The following GRIK4 variants were observed in gnomAD, a reference collection of about 807,000 sequenced individuals.
GRIK4 encodes glutamate receptor ionotropic, kainate 4.
In GRIK4, 40 loss-of-function variants were observed where a neutral mutation model predicts 104.9. That is an observed-to-expected ratio of 0.38 (90% CI 0.30 to 0.50). The LOEUF (loss-of-function observed/expected upper bound fraction) is 0.50, where lower values mean the gene tolerates loss of function less well. Among genes scored for constraint, GRIK4 ranks in the 20% least tolerant of loss-of-function variants. GRIK4 has a pLI of 0.93. For missense variants in GRIK4, 1,047 were observed against 1,308.1 expected, an observed-to-expected ratio of 0.80 and a Z score of 3.08; for synonymous variants, 485 against 524.9, an observed-to-expected ratio of 0.92 and a Z score of 1.04.
In GRIK4 at chr11:120,609,842, C is replaced by A. The variant is rs140849626; in HGVS notation, c.-158-43843C>A. Among the ~76,000 whole-genome samples the A allele has an allele frequency of 6.4e-4, 98 of 152,208 alleles. 1 individual carries two copies. In the East Asian group the frequency reaches 0.019, roughly 29 times the overall value. On this transcript the variant is annotated intron_variant, in intron 1 of 20. Coordinates refer to ENST00000527524, the MANE Select transcript of GRIK4 (RefSeq NM_014619.5). ...CATCTTAATGGACCTGCCTTCTACC[C>A]CTTTCTCCTTCTACTGCTTTTTCTT...
chr11:120,940,583 G>A lies in GRIK4; in HGVS notation c.1590+123G>A. 1.5e-6 allele frequency: 1 copy of A among 647,900 alleles called. No homozygotes were observed. Among genetic ancestry groups the A allele is most frequent in the Non-Finnish European group, 2.6e-6 (1 of 377,970 alleles). 40.1% of individuals were successfully genotyped at this position (647,900 alleles called of 1,614,324 possible). Reference sequence around the variant, plus strand: ...GATTTCAAGACTTAAATGCAAATGTGCTGGGCTATTTTTTCTCCTATCATC... The same window carrying A: ...GATTTCAAGACTTAAATGCAAATGTACTGGGCTATTTTTTCTCCTATCATC... On this transcript the variant is annotated intron_variant, in intron 14 of 20. Transcript: ENST00000527524. The surrounding 1 kb of genome is among the most constrained non-coding windows in gnomAD (Gnocchi z 4.3).
intron 3 of GRIK4, among the ~76,000 whole-genome samples, chr11:120,799,603 A>C (rs1952586234): frequency 6.6e-6 from 1 of 152,252 alleles, no homozygotes; most frequent in African/African-American, 2.4e-5. Flanking sequence ...GAACGGGCAG[A>C]TCATGACCTC....
chr11:120,967,899 C>T lies in GRIK4; in HGVS notation c.2395+576C>T, dbSNP rs1029776416. 1.3e-5 allele frequency among the ~76,000 whole-genome samples: 2 copies of T among 152,100 alleles called. No homozygotes were observed. The highest frequency in any genetic ancestry group is 4.8e-5 in the African/African-American group (2 of 41,410). On this transcript the variant is annotated intron_variant, in intron 19 of 20. Coordinates refer to ENST00000527524, the MANE Select transcript of GRIK4 (RefSeq NM_014619.5). The surrounding 1 kb of genome is among the most constrained non-coding windows in gnomAD (Gnocchi z 4.2). Reference sequence around the variant, plus strand: ...TGTGCACCTGTTCCCTCCTCCTGGCCTTCCCTCGAAGAGCTCTTCACTCCC... The same window carrying T: ...TGTGCACCTGTTCCCTCCTCCTGGCTTTCCCTCGAAGAGCTCTTCACTCCC...
chr11:120,985,500 CAT>C (rs1944726509), intron 20 of GRIK4, among the ~76,000 whole-genome samples: 1 of 151,926 alleles, frequency 6.6e-6, no homozygotes, highest in African/African-American at 2.4e-5. Context: ...GAGAGACTGA[CAT>C]GTGGTGGAGG....
intron 3 of GRIK4, among the ~76,000 whole-genome samples, chr11:120,777,638 A>G (rs541021392): frequency 6.6e-6 from 1 of 152,332 alleles, no homozygotes; most frequent in South Asian, 2.1e-4. Flanking sequence ...TACACTATGG[A>G]CAAAAGGACA....
chr11:120,946,279 T>C (rs985126769), intron 14 of GRIK4, among the ~76,000 whole-genome samples: 1 of 152,222 alleles, frequency 6.6e-6, no homozygotes, highest in African/African-American at 2.4e-5. Flanking sequence ...CCGACTATTA[T>C]AGCAAGGCAT....
chr11:120,753,201 A>G (rs185470712), intron 3 of GRIK4, among the ~76,000 whole-genome samples: 7 of 152,182 alleles, frequency 4.6e-5, no homozygotes, highest in Admixed American at 2.0e-4. Context: ...GGTGAATTGG[A>G]AGAATTTGGT....
At chr11:120,969,568 C>T (rs2134756754) in intron 19 of GRIK4, among the ~76,000 whole-genome samples, 1 of 152,128 alleles carries the variant, frequency 6.6e-6, no homozygotes, top group African/African-American at 2.4e-5. Flanking sequence ...CACTCCTTCC[C>T]CCAAAAGAAG....
At chr11:120,692,875 G>A (rs893927681) in intron 3 of GRIK4, among the ~76,000 whole-genome samples, 1 of 151,936 alleles carries the variant, frequency 6.6e-6, no homozygotes, top group Admixed American at 6.6e-5. Flanking sequence ...GGGATTACAG[G>A]CTCCCACCAC....
chr11:120,870,040 A>C (rs1954557067), intron 9 of GRIK4: 1 of 152,294 alleles, frequency 6.6e-6, no homozygotes, highest in African/African-American at 2.4e-5. Context: ...CCAGACACAG[A>C]CATGTCCAGA....
chr11:120,646,890 C>A (rs1295612464), intron 1 of GRIK4, among the ~76,000 whole-genome samples: 1 of 152,188 alleles, frequency 6.6e-6, no homozygotes, highest in Non-Finnish European at 1.5e-5. Flanking sequence ...GATCATTGAA[C>A]AGCCTGGTGA....
intron 1 of GRIK4, among the ~76,000 whole-genome samples, chr11:120,614,712 T>C (rs896537163): frequency 6.6e-6 from 1 of 152,172 alleles, no homozygotes; most frequent in Non-Finnish European, 1.5e-5. Context: ...ATTAAAACTG[T>C]AAGTTGGCTG....
chr11:120,913,400 G>A (rs1943040233), intron 13 of GRIK4, among the ~76,000 whole-genome samples: 1 of 151,682 alleles, frequency 6.6e-6, no homozygotes, highest in African/African-American at 2.4e-5. Context: ...TGACTTCCAA[G>A]GCCCCTTCTG....
intron 11 of GRIK4, among the ~76,000 whole-genome samples, 168 bp from the exon 12 acceptor site, chr11:120,898,364 C>T (rs576237959): frequency 2.0e-4 from 30 of 151,652 alleles, no homozygotes; most frequent in African/African-American, 7.3e-4. Context: ...TCCCTCAGCC[C>T]CCCAACCCTG....
intron 19 of GRIK4, among the ~76,000 whole-genome samples, chr11:120,972,598 G>A (rs1363196317): frequency 6.6e-6 from 1 of 152,196 alleles, no homozygotes; most frequent in Non-Finnish European, 1.5e-5. Context: ...GGCCAGGACA[G>A]GAGCTTCTGA....
intron 1 of GRIK4, among the ~76,000 whole-genome samples, chr11:120,623,770 G>T (rs1322584341): frequency 6.6e-6 from 1 of 152,238 alleles, no homozygotes; most frequent in Admixed American, 6.5e-5. Context: ...TACCCTCAAA[G>T]GCAGGGTCAC....
chr11:120,840,073 C>T (rs539674701), intron 8 of GRIK4, among the ~76,000 whole-genome samples: 12 of 152,268 alleles, frequency 7.9e-5, no homozygotes, highest in African/African-American at 2.6e-4. Context: ...CCATCACAGG[C>T]GGAGCTGGAA....
chr11:120,642,058 T>C (rs1949477540), intron 1 of GRIK4, among the ~76,000 whole-genome samples: 1 of 152,306 alleles, frequency 6.6e-6, no homozygotes. Context: ...ACTGTCCACT[T>C]TGTATTGGGA....
At chr11:120,654,598 C>T (rs770258937) in intron 2 of GRIK4, among the ~76,000 whole-genome samples, 5 of 152,030 alleles carry the variant, frequency 3.3e-5, no homozygotes, top group Admixed American at 2.0e-4. Flanking sequence ...CCTGACCTCA[C>T]GTGATCTGCC....
Sources: allele counts gnomAD v4.1 joint callset (sites outside exome capture counted in the v4.1 genomes callset), GRCh38; gene constraint gnomAD v4.1.1; non-coding constraint Gnocchi (gnomAD v3.1); transcripts MANE v1.5; gene names NCBI Gene and HGNC (gene_info 2026-07-23, HGNC 2026-07-21).